SV2C: variants seen among roughly 807,000 people sequenced by gnomAD.
SV2C encodes synaptic vesicle glycoprotein 2C, also known as solute carrier family 22 member B3.
A neutral mutation model predicts 79.7 loss-of-function variants in SV2C; 49 were observed. The ratio of observed to expected loss-of-function variants is 0.61; its 90% CI spans 0.49 to 0.78. SV2C has a LOEUF of 0.78. SV2C is among the 30% of genes least tolerant of loss of function. The probability of loss-of-function intolerance (pLI) is 0.00; values close to 1 mark genes in which losing one functional copy is unlikely to be tolerated. For synonymous variants in SV2C, 334 were observed against 333.2 expected, an observed-to-expected ratio of 1.00 and a Z score of -0.03; for missense variants, 833 against 912.9, an observed-to-expected ratio of 0.91 and a Z score of 1.13.
At chr5:75,918,105 A>G in the SV2C span, among the ~76,000 whole-genome samples, 11 of 152,234 alleles carry the variant, frequency 7.2e-5, no homozygotes, top group Non-Finnish European at 1.3e-4. Context: ...AGAGCCTGGC[A>G]AATAGTTAAA....
intron 1 of SV2C, among the ~76,000 whole-genome samples, chr5:76,099,651 C>T (rs1288375528): frequency 6.6e-6 from 1 of 152,188 alleles, no homozygotes; most frequent in Non-Finnish European, 1.5e-5. Context: ...TCTAGCTTCT[C>T]AACATAACAT....
At chr5:75,908,244 G>T in the SV2C span, among the ~76,000 whole-genome samples, 3 of 152,134 alleles carry the variant, frequency 2.0e-5, no homozygotes, top group Non-Finnish European at 2.9e-5. Context: ...TCTAGGATTT[G>T]CCTGTTCTGG....
At chr5:76,142,404 A>T (rs1749283316) in intron 2 of SV2C, among the ~76,000 whole-genome samples, 1 of 152,182 alleles carries the variant, frequency 6.6e-6, no homozygotes, top group African/African-American at 2.4e-5. Context: ...ATTCTGTTTA[A>T]TGTGCTTATA....
In SV2C at chr5:76,327,807, G is replaced by C. The variant is rs1289496584; in HGVS notation, c.*2260G>C. 1 of 152,154 alleles carries C rather than the reference G, an allele frequency of 6.6e-6. No homozygotes were observed. The highest frequency in any genetic ancestry group is 1.9e-4 in the East Asian group (1 of 5,188). The allele number at this position is 152,154 out of a possible 1,614,324, so 9.4% of individuals were successfully genotyped here. ...TCTAAATGCATAAAACATCTCCCAA[G>C]CTGCAGAGCACAGTTATTCAGAATT... On this transcript the variant is annotated 3_prime_UTR_variant, in exon 13 of 13. Transcript: ENST00000502798.
chr5:76,015,859 T>C, the SV2C span, among the ~76,000 whole-genome samples: 1 of 152,110 alleles, frequency 6.6e-6, no homozygotes, highest in Non-Finnish European at 1.5e-5. Context: ...AAACAAACTA[T>C]GTATAAAATT....
chr5:76,324,468 CCT>C (rs1748923228), intron 12 of SV2C, among the ~76,000 whole-genome samples: 3 of 152,262 alleles, frequency 2.0e-5, no homozygotes, highest in Admixed American at 1.3e-4. Flanking sequence ...AGGTGACCTG[CCT>C]CTCTCTAATG....
the SV2C span, among the ~76,000 whole-genome samples, chr5:75,997,060 G>A: frequency 2.7e-5 from 4 of 150,264 alleles, no homozygotes; most frequent in Non-Finnish European, 5.9e-5. Flanking sequence ...CCTGTCTTGT[G>A]CCAGTTTTCA....
the SV2C span, among the ~76,000 whole-genome samples, chr5:76,047,468 A>G: frequency 6.6e-6 from 1 of 152,190 alleles, no homozygotes; most frequent in Non-Finnish European, 1.5e-5. Flanking sequence ...CCATGGAGTG[A>G]ATAGATCACA....
the SV2C span, among the ~76,000 whole-genome samples, chr5:75,999,975 C>G: frequency 6.6e-6 from 1 of 152,062 alleles, no homozygotes; most frequent in Non-Finnish European, 1.5e-5. Flanking sequence ...CTCAAGGCCC[C>G]ACCTCTTAAT....
the SV2C span, among the ~76,000 whole-genome samples, chr5:75,969,308 C>A: frequency 6.6e-6 from 1 of 152,142 alleles, no homozygotes; most frequent in Non-Finnish European, 1.5e-5. Flanking sequence ...ATGACAGGAT[C>A]AAATTCACAC....
intron 4 of SV2C, among the ~76,000 whole-genome samples, chr5:76,234,453 T>C: frequency 6.6e-6 from 1 of 152,216 alleles, no homozygotes; most frequent in East Asian, 1.9e-4. Context: ...CAAGTTTTCT[T>C]AGAGGAAAGT....
chr5:76,010,858 G>C, the SV2C span, among the ~76,000 whole-genome samples: 2 of 152,100 alleles, frequency 1.3e-5, no homozygotes, highest in African/African-American at 4.8e-5. Flanking sequence ...GAAGAAGAGG[G>C]TTCTAATTGC....
intron 2 of SV2C, chr5:76,173,638 C>T (rs1366576751): frequency 6.2e-7 from 1 of 1,612,230 alleles, no homozygotes; most frequent in African/African-American, 1.3e-5. Context: ...ATTAAAGCAG[C>T]TGACATGATG....
chr5:75,899,539 T>G, the SV2C span, among the ~76,000 whole-genome samples: 1 of 152,084 alleles, frequency 6.6e-6, no homozygotes, highest in East Asian at 1.9e-4. Context: ...AAATGTATAT[T>G]CTGTTGATTT....
rs1561236349 is a variant in SV2C at position 76,146,796 on chromosome 5, T to TAA, written c.580+14466_580+14467insAA. Among the ~76,000 whole-genome samples, 370 of 67,038 alleles carry TAA rather than the reference T, an allele frequency of 5.5e-3. 3 individuals carry two copies. The highest frequency in any genetic ancestry group is 6.9e-3 in the Non-Finnish European group (260 of 37,906). The allele number at this position is 67,038 out of a possible 152,430, so 44.0% of individuals were successfully genotyped here. A position where few individuals can be genotyped will look rare whatever the true frequency, so the allele number is the denominator to read the frequency against. On this transcript the variant is annotated intron_variant, in intron 2 of 12. Transcript: ENST00000502798. ...AGATGATAAAGGAATGAGTTTTTTT[T>TAA]TAAAAAAAAAAAAAAAAAAAAAAAG...
the SV2C span, among the ~76,000 whole-genome samples, chr5:75,958,902 A>T: frequency 1.3e-5 from 2 of 151,940 alleles, no homozygotes; most frequent in African/African-American, 4.8e-5. Context: ...CATTGGGATA[A>T]GAGTTCTAGA....
chr5:76,184,631 G>A (rs540849191), intron 2 of SV2C, among the ~76,000 whole-genome samples: 6 of 152,288 alleles, frequency 3.9e-5, no homozygotes, highest in African/African-American at 1.4e-4. Context: ...CTGAGCGAAG[G>A]GGGGAAGCCC....
intron 2 of SV2C, among the ~76,000 whole-genome samples, chr5:76,147,464 T>C (rs1250627539): frequency 1.3e-5 from 2 of 152,170 alleles, no homozygotes; most frequent in East Asian, 3.9e-4. Flanking sequence ...CAATTCTGTG[T>C]CTGTGCCAGC....
chr5:76,030,296 T>TTTTTTTA, the SV2C span, among the ~76,000 whole-genome samples: 2 of 142,824 alleles, frequency 1.4e-5, no homozygotes, highest in Non-Finnish European at 3.1e-5. Flanking sequence ...TTTTTTTATT[T>TTTTTTTA]ATTCCTGTAA....
Sources: allele counts gnomAD v4.1 joint callset (sites outside exome capture counted in the v4.1 genomes callset), GRCh38; gene constraint gnomAD v4.1.1; transcripts MANE v1.5; gene names NCBI Gene and HGNC (gene_info 2026-07-23, HGNC 2026-07-21).